The following CTSC variants were observed in gnomAD, a reference collection of about 807,000 sequenced individuals.
The protein encoded by CTSC is cathepsin C.
A neutral mutation model predicts 40.9 loss-of-function variants in CTSC; 37 were observed. That is an observed-to-expected ratio of 0.91 (90% CI 0.70 to 1.19). CTSC has a LOEUF of 1.19. Among genes scored for constraint, CTSC ranks in the 50% most tolerant of loss-of-function variants. The pLI is 0.00. For synonymous variants in CTSC, 232 were observed against 207.4 expected (o/e 1.12, Z -1.02); for missense variants, 594 against 567.3 (o/e 1.05, Z -0.48).
chr11:88,294,516 T>C lies in CTSC; in HGVS notation c.890-8A>G, dbSNP rs1305099470. The C allele has an allele frequency of 1.2e-6, 2 of 1,614,130 alleles. No individual in the cohort carries two copies. The highest frequency in any genetic ancestry group is 1.7e-6 in the Non-Finnish European group (2 of 1,179,980). On this transcript the variant is annotated splice_region_variant and splice_polypyrimidine_tract_variant and intron_variant, in intron 6 of 6. Coordinates refer to ENST00000227266, the MANE Select transcript of CTSC (RefSeq NM_001814.6). ...GGAAGCCGCCTTCACAGCCTGAAGA[T>C]GAATAACACACATGGTTACCCCTTA...
intron 1 of CTSC, among the ~76,000 whole-genome samples, chr11:88,336,891 C>A (rs1938510395): frequency 1.3e-5 from 2 of 152,142 alleles, no homozygotes; most frequent in Admixed American, 1.3e-4. Flanking sequence ...AGACTCTGGG[C>A]ATTTCTAATT....
intron 2 of CTSC, chr11:88,326,550 C>A (rs1435938304): frequency 2.7e-6 from 2 of 748,064 alleles, no homozygotes; most frequent in Non-Finnish European, 4.5e-6. Flanking sequence ...AATACCAGCA[C>A]TGATATTTGA....
intron 2 of CTSC, chr11:88,325,589 GATTA>G (rs984812408): frequency 2.1e-4 from 207 of 985,174 alleles, no homozygotes; most frequent in Non-Finnish European, 2.4e-4. Context: ...CACTGTAAGA[GATTA>G]ATTTTCTCTA....
intron 2 of CTSC, among the ~76,000 whole-genome samples, chr11:88,319,002 A>G (rs911446722): frequency 6.6e-6 from 1 of 152,202 alleles, no homozygotes; most frequent in Non-Finnish European, 1.5e-5. Flanking sequence ...ATCAGATCTA[A>G]TATCAGATGT....
In CTSC at chr11:88,300,660, T is replaced by C. The variant is rs748280232; in HGVS notation, c.642-15A>G. ...CAGGTTTGGGCCTAGAAAGGAAATATACATTTGATATCAACATATAATCTT... is the reference window on the plus strand; with the variant it reads ...CAGGTTTGGGCCTAGAAAGGAAATACACATTTGATATCAACATATAATCTT... On this transcript the variant is annotated splice_polypyrimidine_tract_variant and intron_variant, in intron 4 of 6. Coordinates refer to ENST00000227266, the MANE Select transcript of CTSC (RefSeq NM_001814.6). 1.4e-5 allele frequency: 20 copies of C among 1,398,202 alleles called. No individual in the cohort carries two copies. The East Asian group carries it at 4.1e-4, about 29-fold the overall frequency. 86.6% of individuals were successfully genotyped at this position (1,398,202 alleles called of 1,614,324 possible).
intron 2 of CTSC, among the ~76,000 whole-genome samples, chr11:88,317,030 G>A (rs759105993): frequency 2.0e-5 from 3 of 151,562 alleles, no homozygotes; most frequent in Non-Finnish European, 2.9e-5. Flanking sequence ...GCAGTGGCGC[G>A]ATCTCAGCTC....
chr11:88,298,773 G>A (rs1028874449), intron 5 of CTSC: 18 of 152,204 alleles, frequency 1.2e-4, no homozygotes, highest in African/African-American at 4.3e-4. Flanking sequence ...ACTTATAACA[G>A]TCAAAGAATA....
intron 4 of CTSC, among the ~76,000 whole-genome samples, chr11:88,303,696 C>T (rs187098240): frequency 6.6e-6 from 1 of 152,284 alleles, no homozygotes. Context: ...ATAGGCACAA[C>T]TGACAACCAT....
chr11:88,328,800 G>A (rs534161169), intron 2 of CTSC, among the ~76,000 whole-genome samples: 117 of 152,106 alleles, frequency 7.7e-4, no homozygotes, highest in Middle Eastern at 3.4e-3. Flanking sequence ...GCTACTTTTT[G>A]TATTTTTAGT....
chr11:88,300,378 A>C, intron 5 of CTSC, 152 bp downstream of exon 5: 2 of 625,854 alleles, frequency 3.2e-6, no homozygotes, highest in South Asian at 3.7e-5. Flanking sequence ...ATATAAAAGG[A>C]AAGAATAATT....
intron 2 of CTSC, chr11:88,324,563 T>G (rs1938123551): frequency 4.1e-6 from 4 of 981,994 alleles, no homozygotes; most frequent in African/African-American, 1.8e-5. Context: ...AAAAGAAAAC[T>G]GTGGTGCATT....
At chr11:88,328,088 T>A (rs565985108) in intron 2 of CTSC, 1 of 1,552,068 alleles carries the variant, frequency 6.4e-7, no homozygotes, top group African/African-American at 1.4e-5. Context: ...ATAAGAAAGT[T>A]AGAAATTTTT....
chr11:88,326,282 G>T, intron 2 of CTSC: 1 of 1,595,440 alleles, frequency 6.3e-7, no homozygotes, highest in Non-Finnish European at 8.5e-7. Flanking sequence ...TTTGCATTTT[G>T]CATGCAAATA....
At chr11:88,318,949 A>G (rs1937937377) in intron 2 of CTSC, among the ~76,000 whole-genome samples, 1 of 152,074 alleles carries the variant, frequency 6.6e-6, no homozygotes, top group Non-Finnish European at 1.5e-5. Flanking sequence ...TAAATTGAAA[A>G]CTTCCACTAT....
At chr11:88,334,178 C>A (rs780453875) in intron 2 of CTSC, among the ~76,000 whole-genome samples, 1 of 152,134 alleles carries the variant, frequency 6.6e-6, no homozygotes, top group Admixed American at 6.5e-5. Flanking sequence ...TAATGAGAAA[C>A]GCCTAGTTTC....
chr11:88,325,476 A>T (rs1215712594), intron 2 of CTSC: 1 of 985,274 alleles, frequency 1.0e-6, no homozygotes, highest in Non-Finnish European at 1.2e-6. Flanking sequence ...AATACCATTT[A>T]CTTATTTGTG....
chr11:88,297,335 T>C (rs1436639489), intron 5 of CTSC: 1 of 152,260 alleles, frequency 6.6e-6, no homozygotes, highest in Non-Finnish European at 1.5e-5. Context: ...CATATAACTG[T>C]GTTCAGCAGT....
chr11:88,296,046 A>T, intron 6 of CTSC, 87 bp downstream of exon 6: 2 of 1,392,956 alleles, frequency 1.4e-6, no homozygotes, highest in Non-Finnish European at 2.0e-6. Context: ...CGCTCTCTCT[A>T]CTGCATCATC....
rs3888798 is a variant in CTSC, at chr11:88,294,041, T to G, written c.1357A>C (p.Ile453Leu). 1.2e-6 allele frequency: 2 copies of G among 1,613,996 alleles called. No homozygotes were observed. The change falls in exon 7 of 7, where the codon ATA becomes CTA. Residue 453 changes from isoleucine (I) to leucine (L), a missense_variant. Coordinates refer to ENST00000227266, the MANE Select transcript of CTSC (RefSeq NM_001814.6). ...GGAATTGGTGTGGCTGCCACTGCTA[T>G]GCTCTCAATTGCACACTCATCAGTT... is the stretch of plus-strand genomic sequence containing the variant. Reference protein sequence around the residue: ...RGTDECAIESIAVAATPIPKL With the variant: ...RGTDECAIESLAVAATPIPKL
Sources: allele counts gnomAD v4.1 joint callset (sites outside exome capture counted in the v4.1 genomes callset), GRCh38; gene constraint gnomAD v4.1.1; transcripts MANE v1.5; gene names NCBI Gene and HGNC (gene_info 2026-07-23, HGNC 2026-07-21).